Variants in ATL1 observed in about 807,000 individuals in gnomAD.
ATL1 encodes the protein atlastin GTPase 1.
Under a neutral mutation model 75.5 loss-of-function variants are expected in ATL1, and 31 were observed. That is an observed-to-expected ratio of 0.41 (90% CI 0.31 to 0.55). ATL1 has a LOEUF of 0.55. Among genes scored for constraint, ATL1 ranks in the 20% least tolerant of loss-of-function variants. The pLI is 0.27. For synonymous variants in ATL1, 226 were observed against 233.3 expected (o/e 0.97, Z 0.28); for missense variants, 405 against 662.6 (o/e 0.61, Z 4.27).
intron 1 of ATL1, among the ~76,000 whole-genome samples, chr14:50,537,846 G>A (rs542129566): frequency 6.6e-6 from 1 of 152,338 alleles, no homozygotes; most frequent in Non-Finnish European, 1.5e-5. Context: ...TATCTAGGAA[G>A]TAACTAACCT....
At chr14:50,581,347 A>G (rs1175705261) in intron 1 of ATL1, among the ~76,000 whole-genome samples, 1 of 151,938 alleles carries the variant, frequency 6.6e-6, no homozygotes, top group African/African-American at 2.4e-5. Flanking sequence ...ACGACCTAAC[A>G]TATTGATTCA....
chr14:50,545,734 G>C (rs764557490), intron 1 of ATL1, among the ~76,000 whole-genome samples: 4 of 152,170 alleles, frequency 2.6e-5, no homozygotes, highest in South Asian at 2.1e-4. Context: ...TGGTGGAGAA[G>C]GTAGATAAAA....
intron 10 of ATL1, 29 bp downstream of exon 10, chr14:50,621,928 A>G (rs747931277): frequency 1.4e-6 from 2 of 1,468,368 alleles, no homozygotes; most frequent in South Asian, 1.1e-5. Flanking sequence ...GCATGTTTTA[A>G]GACACGTGAC....
intron 6 of ATL1, among the ~76,000 whole-genome samples, chr14:50,597,591 A>G (rs1386452660): frequency 6.6e-6 from 1 of 152,176 alleles, no homozygotes; most frequent in East Asian, 1.9e-4. Flanking sequence ...ACAAGTATTT[A>G]TTTTATTAAT....
rs119476049 is a variant in ATL1 at position 50,613,278 on chromosome 14, G to A, written c.650G>A (p.Arg217Gln). ...TTTTAGAGTCTGATATTTCTTGTTCGAGACTGGAGTTTCCCATACGAATTT... is the reference window on the plus strand; with the variant it reads ...TTTTAGAGTCTGATATTTCTTGTTCAAGACTGGAGTTTCCCATACGAATTT... ...KPFQSLIFLV[R>Q]DWSFPYEFSY... The change falls in exon 7 of 14, where the codon CGA becomes CAA. Residue 217 changes from arginine to glutamine, a missense_variant. Coordinates refer to ENST00000358385, the MANE Select transcript of ATL1 (RefSeq NM_015915.5). 6.2e-7 allele frequency: 1 copy of A among 1,612,998 alleles called. No homozygotes were observed. The highest frequency in any genetic ancestry group is 8.5e-7 in the Non-Finnish European group (1 of 1,179,494).
At chr14:50,559,385 G>A (rs886100269), upstream of ATL1, 1 of 152,224 alleles carries the variant, frequency 6.6e-6, no homozygotes, top group Non-Finnish European at 1.5e-5. Context: ...TAAGTTTGTA[G>A]CAGAGAGAAA....
At chr14:50,536,283 A>G (rs560821522) in intron 1 of ATL1, among the ~76,000 whole-genome samples, 1 of 152,246 alleles carries the variant, frequency 6.6e-6, no homozygotes, top group Non-Finnish European at 1.5e-5. Flanking sequence ...CTAAAACTAC[A>G]AAATTAGCCA....
intron 6 of ATL1, among the ~76,000 whole-genome samples, chr14:50,609,160 G>C (rs565399467): frequency 6.6e-6 from 1 of 152,004 alleles, no homozygotes; most frequent in East Asian, 1.9e-4. Flanking sequence ...AAAATCCAAG[G>C]AATATTGTTC....
chr14:50,599,969 C>G (rs1345856187), intron 6 of ATL1, among the ~76,000 whole-genome samples: 1 of 148,580 alleles, frequency 6.7e-6, no homozygotes, highest in Non-Finnish European at 1.5e-5. Flanking sequence ...ACAATATGTA[C>G]TAGACTCTGT....
At chr14:50,569,418 C>CAAAAAA (rs35548036) in intron 1 of ATL1, among the ~76,000 whole-genome samples, 2 of 118,416 alleles carry the variant, frequency 1.7e-5, no homozygotes, top group Non-Finnish European at 3.6e-5. Flanking sequence ...GACTCTGTCT[C>CAAAAAA]AAAAAAAAAA....
At chr14:50,593,630 C>T (rs2039184581) in intron 4 of ATL1, among the ~76,000 whole-genome samples, 1 of 152,166 alleles carries the variant, frequency 6.6e-6, no homozygotes, top group Non-Finnish European at 1.5e-5. Flanking sequence ...CAGGTGACTA[C>T]TGTATTTCTG....
intron 1 of ATL1, among the ~76,000 whole-genome samples, chr14:50,549,438 C>T (rs890885761): frequency 6.6e-6 from 1 of 152,168 alleles, no homozygotes; most frequent in Non-Finnish European, 1.5e-5. Context: ...CATACATAAA[C>T]CCATACAACC....
chr14:50,587,244 T>C (rs959342446), intron 1 of ATL1, among the ~76,000 whole-genome samples: 1 of 152,240 alleles, frequency 6.6e-6, no homozygotes. Context: ...TTTGATTTTC[T>C]TTCTGACTCA....
chr14:50,539,241 T>C (rs943903618), intron 1 of ATL1, among the ~76,000 whole-genome samples: 4 of 152,128 alleles, frequency 2.6e-5, no homozygotes, highest in African/African-American at 9.7e-5. Context: ...TGAAATGGAG[T>C]GTCAGTGTAG....
chr14:50,621,963 GAAAT>G, intron 10 of ATL1, 64 bp downstream of exon 10: 1 of 1,093,416 alleles, frequency 9.1e-7, no homozygotes, highest in South Asian at 1.3e-5. Flanking sequence ...CTGGCTGTCA[GAAAT>G]AACCAAATAA....
chr14:50,606,430 G>GT (rs1157141502), intron 6 of ATL1, among the ~76,000 whole-genome samples: 1 of 151,890 alleles, frequency 6.6e-6, no homozygotes, highest in Non-Finnish European at 1.5e-5. Flanking sequence ...TTAATCAATA[G>GT]TATGTGCTCA....
intron 1 of ATL1, among the ~76,000 whole-genome samples, chr14:50,554,621 A>G (rs1014691571): frequency 4.6e-5 from 7 of 152,196 alleles, no homozygotes; most frequent in African/African-American, 1.4e-4. Flanking sequence ...TGAGAACCCA[A>G]ATATCTCAGA....
At chr14:50,628,988 G>A (rs1448696153) in intron 12 of ATL1, among the ~76,000 whole-genome samples, 1 of 152,162 alleles carries the variant, frequency 6.6e-6, no homozygotes, top group Non-Finnish European at 1.5e-5. Flanking sequence ...AAAGCGTTGG[G>A]ATTATAGGCG....
chr14:50,552,502 A>T (rs926041854), intron 1 of ATL1, among the ~76,000 whole-genome samples: 1 of 152,196 alleles, frequency 6.6e-6, no homozygotes, highest in African/African-American at 2.4e-5. Flanking sequence ...TCTTCACAGA[A>T]CTAGAAAAAT....
Sources: gnomAD v4.1 joint callset for allele counts (sites outside exome capture counted in the v4.1 genomes callset) on GRCh38, gnomAD v4.1.1 for gene constraint, MANE v1.5 for transcripts, NCBI Gene and HGNC (gene_info 2026-07-23, HGNC 2026-07-21) for gene names.